The following LINGO1 variants were observed in gnomAD, a reference collection of about 807,000 sequenced individuals.
The protein encoded by LINGO1 is leucine rich repeat and Ig domain containing 1, also known as leucine-rich repeat and immunoglobulin-like domain-containing nogo receptor-interacting protein 1.
A neutral mutation model predicts 37.3 loss-of-function variants in LINGO1; 11 were observed. The ratio of observed to expected loss-of-function variants is 0.29; its 90% CI spans 0.19 to 0.49. The LOEUF is 0.49. Among genes scored for constraint, LINGO1 ranks in the 20% least tolerant of loss-of-function variants. The pLI is 0.99. For missense variants in LINGO1, 585 were observed against 878.2 expected (o/e 0.67, Z 4.22); for synonymous variants, 387 against 403.0 (o/e 0.96, Z 0.48).
chr15:77,779,037 A>G (rs966717372), intron 1 of LINGO1, among the ~76,000 whole-genome samples: 1 of 151,826 alleles, frequency 6.6e-6, no homozygotes, highest in African/African-American at 2.4e-5. Flanking sequence ...GGCCAGGCAC[A>G]CGCCCACCTG....
At chr15:77,796,577 C>A (rs1281455157) in intron 1 of LINGO1, among the ~76,000 whole-genome samples, 1 of 152,274 alleles carries the variant, frequency 6.6e-6, no homozygotes, top group Non-Finnish European at 1.5e-5. Flanking sequence ...TCCTCCCCAG[C>A]CAGTTCCCAG....
At chr15:77,723,930 A>G (rs1193222906) in intron 2 of LINGO1, among the ~76,000 whole-genome samples, 1 of 152,176 alleles carries the variant, frequency 6.6e-6, no homozygotes, top group African/African-American at 2.4e-5. Flanking sequence ...GGCTCAGCTC[A>G]GGCGTTGTGA....
intron 2 of LINGO1, among the ~76,000 whole-genome samples, chr15:77,726,121 A>C (rs2076099414): frequency 1.3e-5 from 2 of 152,130 alleles, no homozygotes; most frequent in Admixed American, 6.5e-5. Context: ...CCACAGCCCT[A>C]AGCTGCCCCA....
chr15:77,685,234 G>A (rs1476278765), intron 2 of LINGO1, among the ~76,000 whole-genome samples: 1 of 152,120 alleles, frequency 6.6e-6, no homozygotes, highest in Non-Finnish European at 1.5e-5. Context: ...GGGAAGGGGT[G>A]ATCTGTGGAG....
chr15:77,700,630 G>T (rs1428767042), upstream of LINGO1, among the ~76,000 whole-genome samples: 2 of 152,140 alleles, frequency 1.3e-5, no homozygotes, highest in Admixed American at 1.3e-4. Flanking sequence ...GTGGTAGGTG[G>T]GGTCGGTGTT....
intron 2 of LINGO1, chr15:77,690,704 G>A (rs1315610954): frequency 5.3e-5 from 8 of 152,294 alleles, no homozygotes; most frequent in African/African-American, 1.9e-4. Context: ...ATGGGTAGAG[G>A]GGGGATGCCA....
intron 2 of LINGO1, among the ~76,000 whole-genome samples, chr15:77,794,208 C>A (rs993003820): frequency 6.6e-6 from 1 of 151,862 alleles, no homozygotes; most frequent in African/African-American, 2.4e-5. Flanking sequence ...GCAGCAATTA[C>A]AGGTTAAACT....
intron 3 of LINGO1, among the ~76,000 whole-genome samples, chr15:77,666,339 C>T (rs959816832): frequency 2.5e-4 from 38 of 152,306 alleles, no homozygotes; most frequent in Middle Eastern, 3.4e-3. Flanking sequence ...AAGTGTGCAG[C>T]GCTCCTGGGG....
chr15:77,614,616 C>T lies in LINGO1; in HGVS notation c.1291G>A (p.Ala431Thr), dbSNP rs1206152047. The part of the protein sequence containing the change: ...CRRARIRDRK[A>T]QQVFVDEGHT... ...CCCTCGTCCACAAACACCTGCTGGG[C>T]CTTGCGGTCCCGGATGCGGGCGCGG... is the stretch of plus-strand genomic sequence containing the variant. The change falls in exon 2 of 2, where the codon GCC (alanine) becomes ACC (threonine). Residue 431 changes from alanine (A) to threonine (T), a missense_variant. Transcript: ENST00000355300. The T allele has an allele frequency of 1.2e-6, 2 of 1,611,094 alleles. No homozygotes were observed. Among genetic ancestry groups the T allele is most frequent in the Non-Finnish European group, 1.7e-6 (2 of 1,178,930 alleles).
chr15:77,794,352 G>A (rs1248966721), intron 2 of LINGO1, among the ~76,000 whole-genome samples: 1 of 90,530 alleles, frequency 1.1e-5, no homozygotes, highest in African/African-American at 4.4e-5. Flanking sequence ...ACATATATAC[G>A]TATATATGTG....
chr15:77,622,202 G>A (rs2073943371), intron 1 of LINGO1, among the ~76,000 whole-genome samples: 1 of 152,152 alleles, frequency 6.6e-6, no homozygotes, highest in Admixed American at 6.5e-5. Flanking sequence ...GGGAGAGCAG[G>A]AGAGGGAAAG....
chr15:77,670,242 G>A (rs1220797470), intron 3 of LINGO1, among the ~76,000 whole-genome samples: 6 of 152,306 alleles, frequency 3.9e-5, no homozygotes, highest in African/African-American at 4.8e-5. Flanking sequence ...GTTTCCTTTC[G>A]GGGTGATGAA....
intron 1 of LINGO1, among the ~76,000 whole-genome samples, chr15:77,743,999 CCAGTGGA>C (rs2076289772): frequency 1.3e-5 from 2 of 152,136 alleles, no homozygotes; most frequent in Non-Finnish European, 2.9e-5. Flanking sequence ...CTGAGGGTCC[CCAGTGGA>C]TACAGAAGTG....
At chr15:77,718,686 T>A (rs925924273) in intron 2 of LINGO1, among the ~76,000 whole-genome samples, 1 of 150,756 alleles carries the variant, frequency 6.6e-6, no homozygotes, top group Non-Finnish European at 1.5e-5. Flanking sequence ...TCTCTGGCAG[T>A]ATAGACCCCT....
chr15:77,622,456 G>A lies in LINGO1; in HGVS notation c.7-6556C>T, dbSNP rs74745590. 2.8e-3 allele frequency among the ~76,000 whole-genome samples: 430 copies of A among 152,268 alleles called. 3 individuals are homozygous for A. The highest frequency in any genetic ancestry group is 0.01 in the African/African-American group (418 of 41,530). ...AGCCCCGTCCCGGCCACTCCACCAGGTGAGTCTGAGCACTTGCATATCTAG... is the reference window on the plus strand; with the variant it reads ...AGCCCCGTCCCGGCCACTCCACCAGATGAGTCTGAGCACTTGCATATCTAG... On this transcript the variant is annotated intron_variant, in intron 1 of 1. Transcript: ENST00000355300.
chr15:77,689,296 G>A (rs1385338006), intron 2 of LINGO1, among the ~76,000 whole-genome samples: 5 of 151,158 alleles, frequency 3.3e-5, no homozygotes, highest in South Asian at 4.1e-4. Flanking sequence ...GAGGCACCGG[G>A]GGCAGGAAGA....
intron 2 of LINGO1, among the ~76,000 whole-genome samples, chr15:77,688,636 G>T (rs754384418): frequency 6.6e-6 from 1 of 152,218 alleles, no homozygotes; most frequent in Non-Finnish European, 1.5e-5. Context: ...GCATTTGGCT[G>T]CAGTCGGCAC....
At chr15:77,816,974 TGAGAGA>T (rs5813885) in intron 1 of LINGO1, among the ~76,000 whole-genome samples, 1 of 150,694 alleles carries the variant, frequency 6.6e-6, no homozygotes, top group Non-Finnish European at 1.5e-5. Context: ...GAAGAGGAGC[TGAGAGA>T]GAGAGAGAGA....
intron 3 of LINGO1, chr15:77,648,171 C>T (rs2074678857): frequency 3.0e-6 from 1 of 331,416 alleles, no homozygotes; most frequent in Non-Finnish European, 5.9e-6. Context: ...CAAGATCACC[C>T]AGATACAATA....
Sources: allele counts gnomAD v4.1 joint callset (sites outside exome capture counted in the v4.1 genomes callset), GRCh38; gene constraint gnomAD v4.1.1; transcripts MANE v1.5; gene names NCBI Gene and HGNC (gene_info 2026-07-23, HGNC 2026-07-21).